The following CFAP61 variants were observed in gnomAD, a reference collection of about 807,000 sequenced individuals.
CFAP61 encodes cilia and flagella associated protein 61, also known as cilia- and flagella-associated protein 61.
Under a neutral mutation model 135.6 loss-of-function variants are expected in CFAP61, and 107 were observed. That is an observed-to-expected ratio of 0.79 (90% CI 0.67 to 0.93). The LOEUF (loss-of-function observed/expected upper bound fraction) is 0.93, where lower values mean the gene tolerates loss of function less well. Ranked by LOEUF, CFAP61 falls within the 40% of genes least tolerant of loss-of-function variation. The pLI, the probability that CFAP61 is intolerant of heterozygous loss-of-function variation, is 0.00. For synonymous variants in CFAP61, 575 were observed against 578.5 expected, an observed-to-expected ratio of 0.99 and a Z score of 0.09; for missense variants, 1,507 against 1,556.2, an observed-to-expected ratio of 0.97 and a Z score of 0.53.
intron 18 of CFAP61, among the ~76,000 whole-genome samples, chr20:20,228,815 C>A (rs2048922666): frequency 6.6e-6 from 1 of 152,198 alleles, no homozygotes; most frequent in South Asian, 2.1e-4. Context: ...ATCACAAAAA[C>A]CACCTGCAGC....
intron 21 of CFAP61, among the ~76,000 whole-genome samples, chr20:20,270,835 A>G (rs1435086403): frequency 6.6e-6 from 1 of 151,646 alleles, no homozygotes; most frequent in Non-Finnish European, 1.5e-5. Context: ...ATGCCCAACT[A>G]ATTTTTGTGT....
intron 2 of CFAP61, 22 bp downstream of exon 2, chr20:20,056,818 A>G: frequency 1.2e-6 from 2 of 1,612,814 alleles, no homozygotes; most frequent in Non-Finnish European, 1.7e-6. Context: ...ACTAAGTTCA[A>G]GAATGTTCAT....
intron 25 of CFAP61, among the ~76,000 whole-genome samples, chr20:20,304,284 G>GTGTA (rs1159480033): frequency 6.7e-6 from 1 of 148,714 alleles, no homozygotes; most frequent in Non-Finnish European, 1.5e-5. Context: ...GTGTGTGTGT[G>GTGTA]TGTGTGTGTG....
rs1253211465 is a variant in CFAP61, at chr20:20,064,566, G to A, written c.144-6288G>A. Reference sequence around the variant, plus strand: ...GGATCTGCTGGACAGTTCCTGGGCAGGACGGGCTGGGATGGCACGTAATTT... The same window carrying A: ...GGATCTGCTGGACAGTTCCTGGGCAAGACGGGCTGGGATGGCACGTAATTT... On this transcript the variant is annotated intron_variant, in intron 2 of 26. Coordinates refer to ENST00000245957, the MANE Select transcript of CFAP61 (RefSeq NM_015585.4). 2.6e-5 allele frequency among the ~76,000 whole-genome samples: 4 copies of A among 151,808 alleles called. No individual in the cohort carries two copies. The East Asian group carries it at 7.8e-4, about 30-fold the overall frequency.
chr20:20,235,499 T>G (rs751133952), intron 18 of CFAP61, among the ~76,000 whole-genome samples: 27 of 152,074 alleles, frequency 1.8e-4, no homozygotes, highest in Non-Finnish European at 3.8e-4. Context: ...CAGGCCGATG[T>G]GGTGTTTACC....
At chr20:20,147,653 G>A (rs1730029029) in intron 9 of CFAP61, among the ~76,000 whole-genome samples, 1 of 152,008 alleles carries the variant, frequency 6.6e-6, no homozygotes, top group South Asian at 2.1e-4. Context: ...CCTTTGTTGG[G>A]TACATAGTTT....
chr20:20,310,717 A>G (rs371705536), intron 25 of CFAP61, among the ~76,000 whole-genome samples: 2 of 152,308 alleles, frequency 1.3e-5, no homozygotes, highest in Admixed American at 6.5e-5. Context: ...AACTGCCACA[A>G]AAGTTGCCAG....
chr20:20,263,146 A>G lies in CFAP61; in HGVS notation c.2503+16A>G, dbSNP rs1042666001. 4.4e-6 allele frequency: 7 copies of G among 1,599,078 alleles called. No homozygotes were observed. The highest frequency in any genetic ancestry group is 5.1e-6 in the Non-Finnish European group (6 of 1,169,264). The stretch of plus-strand genomic sequence containing the variant: ...ACCACAGAAGGTAAGGATGTCGGTA[A>G]CTGTGCATCTCTTCAGAATAGCGTT... On this transcript the variant is annotated intron_variant, in intron 21 of 26. Transcript: ENST00000245957.
At chr20:20,208,070 G>T (rs2056936713) in intron 17 of CFAP61, among the ~76,000 whole-genome samples, 3 of 152,174 alleles carry the variant, frequency 2.0e-5, no homozygotes, top group African/African-American at 7.2e-5. Context: ...TCCTGTCCCG[G>T]ATGATCTCCT....
At chr20:20,171,713 T>A (rs1022653651) in intron 13 of CFAP61, 26 of 632,882 alleles carry the variant, frequency 4.1e-5, no homozygotes, top group African/African-American at 3.7e-4. Flanking sequence ...AACACATTTT[T>A]AAAAACATTT....
chr20:20,307,219 A>G lies in CFAP61; in HGVS notation c.3422+8833A>G, dbSNP rs112562028. Among the ~76,000 whole-genome samples, 66 of 152,324 alleles carry G rather than the reference A, an allele frequency of 4.3e-4. 1 individual carries two copies. The highest frequency in any genetic ancestry group is 7.8e-4 in the Non-Finnish European group (53 of 68,022). On this transcript the variant is annotated intron_variant, in intron 25 of 26. Transcript: ENST00000245957. ...TCCCTTTCCTTAACATGGAAAGGAC[A>G]CTAGACTAAGACCAACAGAGGGGTC...
intron 8 of CFAP61, 122 bp downstream of exon 8, chr20:20,098,936 A>G (rs1221803340): frequency 1.2e-6 from 1 of 868,678 alleles, no homozygotes; most frequent in Non-Finnish European, 1.7e-6. Context: ...GTTCCCCTTA[A>G]GGAGTAGTTC....
intron 19 of CFAP61, among the ~76,000 whole-genome samples, chr20:20,247,855 A>G (rs1320529825): frequency 6.6e-6 from 1 of 152,182 alleles, no homozygotes; most frequent in East Asian, 1.9e-4. Context: ...TATGAGGTCT[A>G]TCCTGACCAC....
intron 17 of CFAP61, among the ~76,000 whole-genome samples, chr20:20,211,512 GAA>G (rs542745575): frequency 6.6e-6 from 1 of 151,836 alleles, no homozygotes; most frequent in Non-Finnish European, 1.5e-5. Flanking sequence ...AAAAACAGGG[GAA>G]AAAAACAGAA....
chr20:20,052,703 C>T (rs894044535), intron 1 of CFAP61, 112 bp downstream of exon 1: 6 of 1,610,826 alleles, frequency 3.7e-6, no homozygotes, highest in East Asian at 2.2e-5. Context: ...GGACGAGTGG[C>T]TCTGTCGAGC....
At position 20,294,937 on chromosome 20, in the gene CFAP61, A is replaced by T. The variant is rs572009434; in HGVS notation, c.3217-3244A>T. On this transcript the variant is annotated intron_variant, in intron 24 of 26. Transcript: ENST00000245957. ...GCGACAGAGCGAGACTCCGTCTCAA[A>T]AATAATAATAATAATAATAATAATA... Among the ~76,000 whole-genome samples, 1,429 of 142,904 alleles carry T rather than the reference A, an allele frequency of 1.0e-2. 32 individuals are homozygous for T. Among genetic ancestry groups the T allele is most frequent in the African/African-American group, 0.034 (1,323 of 38,774 alleles). 93.8% of individuals were successfully genotyped at this position (142,904 alleles called of 152,430 possible).
chr20:20,208,226 G>A (rs1490065187), intron 17 of CFAP61, among the ~76,000 whole-genome samples: 2 of 152,156 alleles, frequency 1.3e-5, no homozygotes, highest in African/African-American at 2.4e-5. Flanking sequence ...GTATCTCATC[G>A]TCCTGTAAAT....
chr20:20,290,045 A>G (rs1444528410), intron 23 of CFAP61, among the ~76,000 whole-genome samples: 3 of 152,212 alleles, frequency 2.0e-5, no homozygotes, highest in Non-Finnish European at 4.4e-5. Context: ...TAATCACAGG[A>G]TACACAAGAT....
chr20:20,156,883 G>A (rs572131861), intron 9 of CFAP61, among the ~76,000 whole-genome samples: 75 of 152,284 alleles, frequency 4.9e-4, no homozygotes, highest in Non-Finnish European at 9.1e-4. Flanking sequence ...TTCTATGTTC[G>A]TGGGATATTG....
Sources: allele counts gnomAD v4.1 joint callset (sites outside exome capture counted in the v4.1 genomes callset), GRCh38; gene constraint gnomAD v4.1.1; transcripts MANE v1.5; gene names NCBI Gene and HGNC (gene_info 2026-07-23, HGNC 2026-07-21).